Variants in SYN2 observed in about 807,000 individuals in gnomAD.
SYN2 encodes the protein synapsin-2.
SYN2 carries 19 observed loss-of-function variants against 50.9 expected under a neutral mutation model. The observed-to-expected ratio is 0.37, with a 90% CI of 0.26 to 0.55. The LOEUF (loss-of-function observed/expected upper bound fraction) is 0.55. Among genes scored for constraint, SYN2 ranks in the 20% least tolerant of loss-of-function variants. The pLI is 0.81. For synonymous variants in SYN2, 255 were observed against 224.9 expected, an observed-to-expected ratio of 1.13 and a Z score of -1.20; for missense variants, 587 against 576.4, an observed-to-expected ratio of 1.02 and a Z score of -0.19.
At chr3:12,088,445 A>AT (rs1695757691) in intron 1 of SYN2, among the ~76,000 whole-genome samples, 1 of 152,148 alleles carries the variant, frequency 6.6e-6, no homozygotes, top group African/African-American at 2.4e-5. Context: ...AGGGTGCACT[A>AT]TTGGTGGGAA....
chr3:12,090,530 CCT>C (rs1695804490), intron 1 of SYN2, among the ~76,000 whole-genome samples: 4 of 152,156 alleles, frequency 2.6e-5, no homozygotes, highest in Non-Finnish European at 5.9e-5. Context: ...TGAGTTCACT[CCT>C]CTGTGCTTCA....
intron 1 of SYN2, among the ~76,000 whole-genome samples, chr3:12,065,624 T>A (rs1695199728): frequency 6.6e-6 from 1 of 152,162 alleles, no homozygotes; most frequent in Non-Finnish European, 1.5e-5. Flanking sequence ...CTGCATGTTC[T>A]CACTTAACAA....
intron 2 of SYN2, among the ~76,000 whole-genome samples, chr3:12,141,497 A>G (rs1697017105): frequency 6.6e-6 from 1 of 152,234 alleles, no homozygotes; most frequent in African/African-American, 2.4e-5. Flanking sequence ...GGAAAGCAGA[A>G]CTAAAAACTA....
chr3:12,072,051 A>C (rs1695365066), intron 1 of SYN2, among the ~76,000 whole-genome samples: 1 of 152,198 alleles, frequency 6.6e-6, no homozygotes, highest in African/African-American at 2.4e-5. Context: ...CCCCAGCAGC[A>C]CATCATTGTG....
chr3:12,140,003 C>T, intron 1 of SYN2, among the ~76,000 whole-genome samples: 1 of 152,224 alleles, frequency 6.6e-6, no homozygotes, highest in Non-Finnish European at 1.5e-5. Flanking sequence ...TACTGTGTAA[C>T]TCACCTTGAC....
rs531215099 is a variant in SYN2, at chr3:12,151,334, G to C, written c.774+8G>C. ...CCCAACCACAAAGAGATGGTAAGTGGCTCAGTGGGGACATTAGTCTTTCTG... is the reference window on the plus strand; with the variant it reads ...CCCAACCACAAAGAGATGGTAAGTGCCTCAGTGGGGACATTAGTCTTTCTG... On this transcript the variant is annotated splice_region_variant and intron_variant, in intron 5 of 12. Transcript: ENST00000621198. The C allele has an allele frequency of 9.3e-6, 15 of 1,605,676 alleles. 3 individuals are homozygous for C. Among genetic ancestry groups the C allele is most frequent in the Middle Eastern group, 1.6e-4 (1 of 6,074 alleles).
At chr3:12,010,242 C>G (rs1693888403) in intron 1 of SYN2, among the ~76,000 whole-genome samples, 1 of 152,202 alleles carries the variant, frequency 6.6e-6, no homozygotes, top group Non-Finnish European at 1.5e-5. Flanking sequence ...TCCTATCTAC[C>G]TAAGGTTGCT....
intron 1 of SYN2, among the ~76,000 whole-genome samples, chr3:12,033,505 CT>C (rs10708432): frequency 0.79 from 119,913 of 152,044 alleles, 47,538 homozygotes; most frequent in Middle Eastern, 0.9. Flanking sequence ...CTGGGACTCT[CT>C]TTTTTCCCAA....
chr3:12,121,722 GAGGA>G (rs1696563337), intron 1 of SYN2, among the ~76,000 whole-genome samples: 1 of 149,968 alleles, frequency 6.7e-6, no homozygotes, highest in Admixed American at 6.6e-5. Context: ...GGAAGGGAGG[GAGGA>G]AGGAAGGAAT....
rs576987442 is a variant in SYN2 at position 12,035,815 on chromosome 3, A to T, written c.377+30887A>T. ...CTCAGCAAGAAATTTAGAACAAAGAATGGTGGAAGACAGAGTTCAGTCCTC... is the reference window on the plus strand; with the variant it reads ...CTCAGCAAGAAATTTAGAACAAAGATTGGTGGAAGACAGAGTTCAGTCCTC... On this transcript the variant is annotated intron_variant, in intron 1 of 12. Coordinates refer to ENST00000621198, the MANE Select transcript of SYN2 (RefSeq NM_133625.6). Among the ~76,000 whole-genome samples the T allele has an allele frequency of 9.2e-5, 14 of 152,310 alleles. No homozygotes were observed. In the East Asian group the frequency reaches 2.7e-3, roughly 29 times the overall value.
At position 12,142,008 on chromosome 3, in the gene SYN2, T is replaced by C. The variant is rs1444492541; in HGVS notation, c.527+12T>C. 1.3e-6 allele frequency: 1 copy of C among 780,602 alleles called. No individual in the cohort carries two copies. Among genetic ancestry groups the C allele is most frequent in the Non-Finnish European group, 2.4e-6 (1 of 417,928 alleles). 48.4% of individuals were successfully genotyped at this position (780,602 alleles called of 1,614,324 possible). ...ACAAAGGTTGTCCGGTAAGGGTCTT[T>C]CTGTCCTCAGGATCATTGTGACTGT... is the stretch of plus-strand genomic sequence containing the variant. On this transcript the variant is annotated intron_variant, in intron 3 of 12. Coordinates refer to ENST00000621198, the MANE Select transcript of SYN2 (RefSeq NM_133625.6).
intron 1 of SYN2, among the ~76,000 whole-genome samples, chr3:12,008,909 G>C (rs904889488): frequency 4.6e-5 from 7 of 152,294 alleles, no homozygotes; most frequent in Middle Eastern, 3.4e-3. Context: ...GAAGAGACTA[G>C]ATTGATGCGT....
chr3:12,141,452 G>A (rs2125216583), intron 2 of SYN2, among the ~76,000 whole-genome samples: 1 of 152,328 alleles, frequency 6.6e-6, no homozygotes, highest in East Asian at 1.9e-4. Context: ...GAGAGTACAA[G>A]TAACTTGCTT....
chr3:12,082,338 G>A (rs1411430267), intron 1 of SYN2, among the ~76,000 whole-genome samples: 1 of 152,200 alleles, frequency 6.6e-6, no homozygotes, highest in Non-Finnish European at 1.5e-5. Flanking sequence ...CAGACCCGCA[G>A]GAGTAAAGCA....
At chr3:12,140,247 A>T (rs903045810) in intron 1 of SYN2, among the ~76,000 whole-genome samples, 4 of 152,216 alleles carry the variant, frequency 2.6e-5, no homozygotes, top group Non-Finnish European at 5.9e-5. Context: ...AAAAACTAAA[A>T]ATCCAAGGGT....
intron 1 of SYN2, among the ~76,000 whole-genome samples, chr3:12,103,749 A>G (rs929508309): frequency 2.0e-5 from 3 of 152,210 alleles, no homozygotes; most frequent in Non-Finnish European, 4.4e-5. Context: ...TAGCATGTAT[A>G]AAACTTCCAA....
At chr3:12,128,607 T>G (rs1451941070) in intron 1 of SYN2, among the ~76,000 whole-genome samples, 1 of 152,204 alleles carries the variant, frequency 6.6e-6, no homozygotes, top group East Asian at 1.9e-4. Flanking sequence ...AATGTATAAA[T>G]ACTTCAGTAA....
chr3:12,185,543 A>C (rs1416358807), intron 11 of SYN2: 1 of 985,734 alleles, frequency 1.0e-6, no homozygotes, highest in Admixed American at 6.1e-5. Context: ...CCTGGGGGAC[A>C]TCTGTGTCAC....
rs562405958 is a variant in SYN2, at chr3:12,138,066, C to G, written c.378-2585C>G. Reference sequence around the variant, plus strand: ...GCACACTGCCCTGTACTAGTGTTCTCTTAGTATCAGGAAAGACTTCTATCA... The same window carrying G: ...GCACACTGCCCTGTACTAGTGTTCTGTTAGTATCAGGAAAGACTTCTATCA... On this transcript the variant is annotated intron_variant, in intron 1 of 12. Coordinates refer to ENST00000621198, the MANE Select transcript of SYN2 (RefSeq NM_133625.6). Among the ~76,000 whole-genome samples the G allele has an allele frequency of 7.9e-5, 12 of 152,292 alleles. No homozygotes were observed. The South Asian group carries it at 2.1e-3, about 26-fold the overall frequency.
Sources: allele counts gnomAD v4.1 joint callset (sites outside exome capture counted in the v4.1 genomes callset), GRCh38; gene constraint gnomAD v4.1.1; transcripts MANE v1.5; gene names NCBI Gene and HGNC (gene_info 2026-07-23, HGNC 2026-07-21).